The following STAB1 variants were observed in gnomAD, a reference collection of about 807,000 sequenced individuals.
STAB1 encodes the protein stabilin-1.
In STAB1, 250 loss-of-function variants were observed where a neutral mutation model predicts 332.4. The observed-to-expected ratio is 0.75, with a 90% CI of 0.68 to 0.84. The LOEUF (loss-of-function observed/expected upper bound fraction) is 0.84. Among genes scored for constraint, STAB1 ranks in the 40% least tolerant of loss-of-function variants. STAB1 has a pLI of 0.00. For synonymous variants in STAB1, 1,475 were observed against 1,390.4 expected (o/e 1.06, Z -1.35); for missense variants, 3,249 against 3,489.7 (o/e 0.93, Z 1.74).
rs147045728 is a variant in STAB1 at position 52,520,041 on chromosome 3, G to T, written c.5333G>T (p.Arg1778Leu). 21 of 1,612,334 alleles carry T rather than the reference G, an allele frequency of 1.3e-5. No homozygotes were observed. In the African/African-American group the frequency reaches 1.3e-4, roughly 10 times the overall value. The part of the protein sequence containing the change: ...DAAFRALPPD[R>L]QAWLYHEDHR... Reference sequence around the variant, plus strand: ...GCCTTTCGAGCTCTGCCTCCGGATCGCCAGGCCTGGCTGTACCATGAGGAC... The same window carrying T: ...GCCTTTCGAGCTCTGCCTCCGGATCTCCAGGCCTGGCTGTACCATGAGGAC... Residue 1778 changes from arginine (R) to leucine (L), a missense_variant, in exon 51 of 69, where the codon CGC becomes CTC. Coordinates refer to ENST00000321725, the MANE Select transcript of STAB1 (RefSeq NM_015136.3).
At position 52,519,530 on chromosome 3, in the gene STAB1, G is replaced by A. The variant is rs1219736327; in HGVS notation, c.5201G>A (p.Gly1734Asp). ...PRRNVTAAAQGFGYKIFSGLL... is the reference protein window; with the variant it reads ...PRRNVTAAAQDFGYKIFSGLL... Reference sequence around the variant, plus strand: ...AGAAATGTCACCGCCGCCGCCCAGGGCTTCGGTTACAAGATCTTCAGCGGC... The same window carrying A: ...AGAAATGTCACCGCCGCCGCCCAGGACTTCGGTTACAAGATCTTCAGCGGC... Residue 1734 changes from glycine to aspartate, a missense_variant, in exon 50 of 69, where the codon GGC becomes GAC. Transcript: ENST00000321725. The A allele has an allele frequency of 6.2e-7, 1 of 1,613,210 alleles. No individual in the cohort carries two copies. The highest frequency in any genetic ancestry group is 8.5e-7 in the Non-Finnish European group (1 of 1,180,010).
At position 52,523,276 on chromosome 3, in the gene STAB1, C is replaced by T. The variant is rs2079142681; in HGVS notation, c.7075C>T (p.Leu2359=). The part of the protein sequence containing the change: ...TQRGLDFLDF[L]DDELTYKTLF... ...GCGGGGTCTCGACTTCCTGGACTTC[C>T]TGGATGATGAGCTCACGTATAAGAC... Residue 2359 remains leucine, a synonymous_variant, in exon 64 of 69, where the codon CTG becomes TTG. Coordinates refer to ENST00000321725, the MANE Select transcript of STAB1 (RefSeq NM_015136.3). 1.9e-6 allele frequency: 3 copies of T among 1,613,214 alleles called. No individual in the cohort carries two copies. The East Asian group carries it at 6.7e-5, about 36-fold the overall frequency.
Position 52,513,173 on chromosome 3 carries a change from C to G in STAB1, c.3202C>G (p.Arg1068Gly). 6.3e-7 allele frequency: 1 copy of G among 1,583,578 alleles called. No homozygotes were observed. The highest frequency in any genetic ancestry group is 1.3e-5 in the African/African-American group (1 of 74,786). The change falls in exon 30 of 69, where the codon CGG becomes GGG. Residue 1068 changes from arginine (R) to glycine (G), a missense_variant. Coordinates refer to ENST00000321725, the MANE Select transcript of STAB1 (RefSeq NM_015136.3). ...TGCCCTCTTCGAGGAGGAGCTGGCC[C>G]GGCTGGGTGGGCAGGAAGTGGCCAC... ...QGALFEEELA[R>G]LGGQEVATLN...
chr3:52,521,575 C>G (rs1286478254), intron 56 of STAB1, 21 bp from the exon 57 acceptor site: 2 of 1,613,098 alleles, frequency 1.2e-6, no homozygotes, highest in South Asian at 2.2e-5. Context: ...TCTTTATCTT[C>G]CTGCCTGTCC....
At position 52,503,767 on chromosome 3, in the gene STAB1, G is replaced by C; in HGVS notation, c.892-5G>C. 1.9e-6 allele frequency: 3 copies of C among 1,612,954 alleles called. No homozygotes were observed. Among genetic ancestry groups the C allele is most frequent in the Non-Finnish European group, 2.5e-6 (3 of 1,179,990 alleles). On this transcript the variant is annotated splice_polypyrimidine_tract_variant and splice_region_variant and intron_variant, in intron 8 of 68. Coordinates refer to ENST00000321725, the MANE Select transcript of STAB1 (RefSeq NM_015136.3). ...GTGTTCCCCTCCTGCCCTGTCGGGG[G>C]CCAGGCCTTCTGCACCTGCCGGCCA...
In STAB1 at chr3:52,515,413, C is replaced by T. The variant is rs988198058; in HGVS notation, c.3865-10C>T. 1.9e-6 allele frequency: 3 copies of T among 1,612,494 alleles called. No homozygotes were observed. Among genetic ancestry groups the T allele is most frequent in the African/African-American group, 2.7e-5 (2 of 74,944 alleles). ...ACTGGCTGACCCCTCCTGCCTGTCCCCGTTTCCAGGACACACCCAGGAAGA... is the reference window on the plus strand; with the variant it reads ...ACTGGCTGACCCCTCCTGCCTGTCCTCGTTTCCAGGACACACCCAGGAAGA... On this transcript the variant is annotated splice_polypyrimidine_tract_variant and intron_variant, in intron 36 of 68. Coordinates refer to ENST00000321725, the MANE Select transcript of STAB1 (RefSeq NM_015136.3).
intron 36 of STAB1, 115 bp downstream of exon 36, chr3:52,515,160 A>G: frequency 7.4e-7 from 1 of 1,353,864 alleles, no homozygotes; most frequent in East Asian, 2.5e-5. Context: ...ATCCAGGCTC[A>G]GGGAACTGGG....
Position 52,518,370 on chromosome 3 carries a change from A to C in STAB1, c.4809+11A>C. 1 of 1,611,620 alleles carries C rather than the reference A, an allele frequency of 6.2e-7. No individual in the cohort carries two copies. The highest frequency in any genetic ancestry group is 8.5e-7 in the Non-Finnish European group (1 of 1,179,510). Reference sequence around the variant, plus strand: ...AGCCTCCGCCTCCTGGTGAGTGGCCAGCTTGGGCCTCTGTGACCTGCAAGT... The same window carrying C: ...AGCCTCCGCCTCCTGGTGAGTGGCCCGCTTGGGCCTCTGTGACCTGCAAGT... On this transcript the variant is annotated intron_variant, in intron 46 of 68. Coordinates refer to ENST00000321725, the MANE Select transcript of STAB1 (RefSeq NM_015136.3).
rs1709481140 is a variant in STAB1 at position 52,513,976 on chromosome 3, C to T, written c.3442C>T (p.Leu1148=). Reference sequence around the variant, plus strand: ...TGCCTTCAGCCTCTTCCGGGAATTGCTGCAGGTACGGAAGGCTGGCAAGAG... The same window carrying T: ...TGCCTTCAGCCTCTTCCGGGAATTGTTGCAGGTACGGAAGGCTGGCAAGAG... ...VPAFSLFREL[L]QHHGLVPQIE... The change falls in exon 32 of 69, where the codon CTG becomes TTG. Residue 1148 remains leucine, a synonymous_variant. Coordinates refer to ENST00000321725, the MANE Select transcript of STAB1 (RefSeq NM_015136.3). 1 of 1,599,690 alleles carries T rather than the reference C, an allele frequency of 6.3e-7. No homozygotes were observed. The highest frequency in any genetic ancestry group is 8.5e-7 in the Non-Finnish European group (1 of 1,170,370).
rs564126198 is a variant in STAB1, at chr3:52,508,090, C to A, written c.2148+64C>A. On this transcript the variant is annotated intron_variant, in intron 20 of 68. Coordinates refer to ENST00000321725, the MANE Select transcript of STAB1 (RefSeq NM_015136.3). ...GGCACCTGCTGTTCCTCGGGGGCCCCCAAGCTGGGGCTGAGTGGGCTCCCT... is the reference window on the plus strand; with the variant it reads ...GGCACCTGCTGTTCCTCGGGGGCCCACAAGCTGGGGCTGAGTGGGCTCCCT... 6 of 1,540,634 alleles carry A rather than the reference C, an allele frequency of 3.9e-6. No individual in the cohort carries two copies. In the South Asian group the frequency reaches 7.1e-5, roughly 18 times the overall value.
At position 52,519,404 on chromosome 3, in the gene STAB1, G is replaced by A; in HGVS notation, c.5175G>A (p.Arg1725=). 4 of 1,613,000 alleles carry A rather than the reference G, an allele frequency of 2.5e-6. No homozygotes were observed. Among genetic ancestry groups the A allele is most frequent in the South Asian group, 1.1e-5 (1 of 91,072 alleles). The change falls in exon 49 of 69, where the codon AGG becomes AGA. Residue 1725 remains arginine, a splice_region_variant and synonymous_variant. Coordinates refer to ENST00000321725, the MANE Select transcript of STAB1 (RefSeq NM_015136.3). ...HWEPDDAPIP[R]RNVTAAAQGF... is the part of the protein sequence containing the mutation. ...AGCCTGATGATGCTCCCATCCCGAG[G>A]GTATGACAAGCACGGGCCTGGGAGC... is the stretch of plus-strand genomic sequence containing the variant.
At chr3:52,497,621 C>G (rs1326487114) in intron 1 of STAB1, among the ~76,000 whole-genome samples, 3 of 151,868 alleles carry the variant, frequency 2.0e-5, no homozygotes, top group Non-Finnish European at 4.4e-5. Flanking sequence ...CCATGTTAGC[C>G]AGCCTGGTCT....
Position 52,524,409 on chromosome 3 carries a change from G to T in STAB1, c.*53G>T. The stretch of plus-strand genomic sequence containing the variant: ...GCACAGGGAGGAGACCACTTTTATT[G>T]CTTGTCTGGGTGGATGGGGCAGGAG... On this transcript the variant is annotated 3_prime_UTR_variant, in exon 69 of 69. Transcript: ENST00000321725. 1 of 1,612,298 alleles carries T rather than the reference G, an allele frequency of 6.2e-7. No homozygotes were observed. Among genetic ancestry groups the T allele is most frequent in the Non-Finnish European group, 8.5e-7 (1 of 1,179,224 alleles).
chr3:52,498,998 A>G (rs898518497), intron 1 of STAB1, among the ~76,000 whole-genome samples: 7 of 152,314 alleles, frequency 4.6e-5, no homozygotes, highest in African/African-American at 1.7e-4. Flanking sequence ...GGGCCCTGGT[A>G]TTTGCCATAA....
chr3:52,499,704 C>A (rs553707524), intron 1 of STAB1, among the ~76,000 whole-genome samples: 5 of 150,542 alleles, frequency 3.3e-5, no homozygotes, highest in Non-Finnish European at 4.5e-5. Context: ...TCGAGACCAA[C>A]CCCGCTAAAA....
rs1575372456 is a variant in STAB1, at chr3:52,522,811, A to G, written c.6781A>G (p.Asn2261Asp). The part of the protein sequence containing the change: ...FHLCLMGWLA[N>D]GSTAHPVVFP... ...CCTGTGCCTCATGGGCTGGCTGGCC[A>G]ATGGCTCCACTGCCCACCCTGTGGT... is the stretch of plus-strand genomic sequence containing the variant. Residue 2261 changes from asparagine (N) to aspartate (D), a missense_variant, in exon 62 of 69, where the codon AAT becomes GAT. Asn to Asp is a conservative substitution (Grantham distance 23). Transcript: ENST00000321725. 1 of 1,613,244 alleles carries G rather than the reference A, an allele frequency of 6.2e-7. No individual in the cohort carries two copies. Among genetic ancestry groups the G allele is most frequent in the Admixed American group, 1.7e-5 (1 of 60,018 alleles).
Position 52,522,626 on chromosome 3 carries a change from G to A in STAB1, c.6682G>A (p.Ala2228Thr). ...PYGLNFSEAE[A>T]ACEAQGAVLA... is the part of the protein sequence containing the mutation. ...TGGTCTGAACTTTTCGGAGGCTGAG[G>A]CGGCATGCGAAGCACAGGGAGCCGT... Residue 2228 changes from alanine to threonine, a missense_variant, in exon 61 of 69, where the codon GCG becomes ACG. By Grantham distance (58) the Ala-to-Thr change is moderately conservative (BLOSUM62 0). Transcript: ENST00000321725. 1.2e-6 allele frequency: 2 copies of A among 1,612,948 alleles called. No individual in the cohort carries two copies. The highest frequency in any genetic ancestry group is 1.1e-5 in the South Asian group (1 of 91,084).
In STAB1 at chr3:52,495,510, C is replaced by T. The variant is rs765691008; in HGVS notation, c.78+19C>T. On this transcript the variant is annotated intron_variant, in intron 1 of 68. Coordinates refer to ENST00000321725, the MANE Select transcript of STAB1 (RefSeq NM_015136.3). ...GGGGCAGGTAAGTGTGAGCCAGTCG[C>T]AGGGGCACACGGCGTCTGGGCCCTG... 7.6e-7 allele frequency: 1 copy of T among 1,318,510 alleles called. No individual in the cohort carries two copies. Among genetic ancestry groups the T allele is most frequent in the Non-Finnish European group, 9.7e-7 (1 of 1,026,116 alleles). 81.7% of individuals were successfully genotyped at this position (1,318,510 alleles called of 1,614,324 possible).
In STAB1 at chr3:52,520,430, C is replaced by T. The variant is rs373157993; in HGVS notation, c.5530C>T (p.Arg1844Cys). The part of the protein sequence containing the change: ...GELMVGEDDA[R>C]IVQRHLPFEG... ...GCTCATGGTGGGTGAGGATGATGCT[C>T]GCATTGTGCAGCGGCACTTGCCCTT... Residue 1844 changes from arginine to cysteine, a missense_variant, in exon 53 of 69, where the codon CGC becomes TGC. By Grantham distance (180) the Arg-to-Cys change is radical (BLOSUM62 -3). Transcript: ENST00000321725. The T allele has an allele frequency of 2.2e-5, 35 of 1,612,406 alleles. No homozygotes were observed. The highest frequency in any genetic ancestry group is 3.3e-4 in the Middle Eastern group (2 of 6,084).
Sources: gnomAD v4.1 joint callset for allele counts (sites outside exome capture counted in the v4.1 genomes callset) on GRCh38, gnomAD v4.1.1 for gene constraint, MANE v1.5 for transcripts, NCBI Gene and HGNC (gene_info 2026-07-23, HGNC 2026-07-21) for gene names.